TMEM232: variants seen among roughly 807,000 people sequenced by gnomAD.
The protein encoded by TMEM232 is transmembrane protein 232.
In TMEM232, 80 loss-of-function variants were observed where a neutral mutation model predicts 78.8. The ratio of observed to expected loss-of-function variants is 1.01; its 90% CI spans 0.85 to 1.22. The LOEUF (loss-of-function observed/expected upper bound fraction) is 1.22, where lower values mean the gene tolerates loss of function less well. Ranked by LOEUF, TMEM232 falls within the 50% of genes most tolerant of loss-of-function variation. The pLI, the probability that TMEM232 is intolerant of heterozygous loss-of-function variation, is 0.00. For synonymous variants in TMEM232, 297 were observed against 254.3 expected, an observed-to-expected ratio of 1.17 and a Z score of -1.60; for missense variants, 881 against 742.2, an observed-to-expected ratio of 1.19 and a Z score of -2.17.
intron 12 of TMEM232, among the ~76,000 whole-genome samples, chr5:110,440,147 G>C (rs772996147): frequency 6.6e-6 from 1 of 152,176 alleles, no homozygotes; most frequent in Non-Finnish European, 1.5e-5. Context: ...TATAAAGCTA[G>C]TGGGAATAAT....
At chr5:110,519,593 C>A (rs540788258) in intron 12 of TMEM232, among the ~76,000 whole-genome samples, 1 of 151,852 alleles carries the variant, frequency 6.6e-6, no homozygotes, top group African/African-American at 2.4e-5. Context: ...AACAAAACCA[C>A]TGTATGTTTC....
chr5:110,700,786 G>A (rs201465124), intron 1 of TMEM232, among the ~76,000 whole-genome samples: 3,099 of 142,530 alleles, frequency 0.022, 66 homozygotes, highest in South Asian at 0.053. Context: ...AGATAGATAG[G>A]TAGATAGATA....
At chr5:110,522,203 C>T (rs1252017895) in intron 12 of TMEM232, among the ~76,000 whole-genome samples, 1 of 151,890 alleles carries the variant, frequency 6.6e-6, no homozygotes, top group African/African-American at 2.4e-5. Flanking sequence ...AACTGTTTTC[C>T]TAATTTATCT....
intron 11 of TMEM232, among the ~76,000 whole-genome samples, chr5:110,551,472 C>A (rs867412878): frequency 3.9e-5 from 6 of 152,216 alleles, no homozygotes; most frequent in African/African-American, 1.4e-4. Context: ...ATCCACCCGC[C>A]TCAGCCTCCC....
intron 12 of TMEM232, among the ~76,000 whole-genome samples, chr5:110,522,410 T>C (rs112498961): frequency 0.014 from 2,106 of 152,268 alleles, 42 homozygotes; most frequent in African/African-American, 0.048. Context: ...ATGCCTTTTA[T>C]TTTTTCTTGT....
chr5:110,504,662 T>G (rs1766662676), intron 12 of TMEM232, among the ~76,000 whole-genome samples: 1 of 152,186 alleles, frequency 6.6e-6, no homozygotes, highest in South Asian at 2.1e-4. Context: ...AAGACTGATG[T>G]CCCAGCTTAC....
chr5:110,568,638 A>T lies in TMEM232; in HGVS notation c.1277-13T>A. ...ACTACTTGATCACCTGTTTAAAAAG[A>T]AAAAGTCTTTGGGAATTATCATTTT... On this transcript the variant is annotated splice_polypyrimidine_tract_variant and intron_variant, in intron 10 of 13. Transcript: ENST00000455884. The T allele has an allele frequency of 6.6e-7, 1 of 1,523,312 alleles. No individual in the cohort carries two copies. The highest frequency in any genetic ancestry group is 1.3e-5 in the South Asian group (1 of 78,372). 94.4% of individuals were successfully genotyped at this position (1,523,312 alleles called of 1,614,324 possible). A position where few individuals can be genotyped will look rare whatever the true frequency, so the allele number is the denominator to read the frequency against.
At chr5:110,416,767 G>A (rs1477679425), downstream of TMEM232, among the ~76,000 whole-genome samples, 5 of 152,114 alleles carry the variant, frequency 3.3e-5, no homozygotes, top group African/African-American at 1.2e-4. Flanking sequence ...AAAACTGTTG[G>A]TGTGAGTTAT....
At chr5:110,567,442 A>G (rs1439638125) in intron 11 of TMEM232, among the ~76,000 whole-genome samples, 1 of 151,802 alleles carries the variant, frequency 6.6e-6, no homozygotes, top group Non-Finnish European at 1.5e-5. Context: ...GGGATACAGC[A>G]TTGAAAAAAA....
intron 11 of TMEM232, among the ~76,000 whole-genome samples, chr5:110,543,043 C>CT (rs1207784232): frequency 6.6e-6 from 1 of 152,132 alleles, no homozygotes; most frequent in African/African-American, 2.4e-5. Context: ...TAAATTTCTG[C>CT]TTTTGTCATT....
At chr5:110,666,959 A>G (rs1790671393) in intron 2 of TMEM232, 1 of 273,130 alleles carries the variant, frequency 3.7e-6, no homozygotes, top group Non-Finnish European at 6.8e-6. Flanking sequence ...ATGATACAGG[A>G]GTTATCAAAT....
At chr5:110,738,011 A>C (rs1172954874) in exon 1 of TMEM232, 3 of 224,704 alleles carry the variant, frequency 1.3e-5, no homozygotes, top group Non-Finnish European at 2.8e-5. Flanking sequence ...CATAAAAAAT[A>C]AAAAGTGATA....
At chr5:110,405,862 T>A (rs1248304456) in intron 2 of TMEM232, among the ~76,000 whole-genome samples, 1 of 151,712 alleles carries the variant, frequency 6.6e-6, no homozygotes, top group Non-Finnish European at 1.5e-5. Flanking sequence ...ATTTTAAACA[T>A]GACAACCAAA....
chr5:110,487,952 G>A (rs1454683071), intron 12 of TMEM232, among the ~76,000 whole-genome samples: 1 of 151,982 alleles, frequency 6.6e-6, no homozygotes, highest in African/African-American at 2.4e-5. Flanking sequence ...ATTCTTCTTT[G>A]AATGTCTGGT....
At chr5:110,603,800 A>T (rs1489990930) in intron 10 of TMEM232, among the ~76,000 whole-genome samples, 2 of 152,206 alleles carry the variant, frequency 1.3e-5, no homozygotes, top group African/African-American at 4.8e-5. Flanking sequence ...TACACTCAGA[A>T]GCTGGGTTTC....
At chr5:110,696,817 A>G (rs1794844537) in intron 1 of TMEM232, among the ~76,000 whole-genome samples, 1 of 152,280 alleles carries the variant, frequency 6.6e-6, no homozygotes, top group Non-Finnish European at 1.5e-5. Flanking sequence ...GAAATGGAAG[A>G]ACATTCCATG....
At chr5:110,612,968 C>T (rs186596842) in intron 8 of TMEM232, among the ~76,000 whole-genome samples, 260 of 152,240 alleles carry the variant, frequency 1.7e-3, no homozygotes, top group Non-Finnish European at 2.8e-3. Context: ...TAAAATTTAA[C>T]TGCGTTAAGT....
rs76082511 is a variant in TMEM232, at chr5:110,588,302, T to C, written c.1276+16807A>G. Among the ~76,000 whole-genome samples the C allele has an allele frequency of 9.1e-4, 139 of 152,278 alleles. 1 individual carries two copies. In the East Asian group the frequency reaches 0.025, roughly 27 times the overall value. ...AAGGAAGAATGCCATATTTTACTTT[T>C]TCCATTTTGAGACAACACTGAATGG... On this transcript the variant is annotated intron_variant, in intron 10 of 13. Transcript: ENST00000455884.
intron 12 of TMEM232, among the ~76,000 whole-genome samples, chr5:110,427,822 T>C (rs1038023210): frequency 6.6e-6 from 1 of 151,924 alleles, no homozygotes; most frequent in African/African-American, 2.4e-5. Context: ...CTGTTCTTTT[T>C]CATACAATGA....
Sources: gnomAD v4.1 joint callset for allele counts (sites outside exome capture counted in the v4.1 genomes callset) on GRCh38, gnomAD v4.1.1 for gene constraint, MANE v1.5 for transcripts, NCBI Gene and HGNC (gene_info 2026-07-23, HGNC 2026-07-21) for gene names.